The following ZFHX3 variants were observed in gnomAD, a reference collection of about 807,000 sequenced individuals.
ZFHX3 encodes zinc finger homeobox protein 3.
Under a neutral mutation model 279.1 loss-of-function variants are expected in ZFHX3, and 42 were observed. The ratio of observed to expected loss-of-function variants is 0.15; its 90% CI spans 0.12 to 0.19. The LOEUF is 0.19. Among genes scored for constraint, ZFHX3 ranks in the 10% least tolerant of loss-of-function variants. The pLI, the probability that ZFHX3 is intolerant of heterozygous loss-of-function variation, is 1.00. For missense variants in ZFHX3, 4,981 were observed against 4,754.0 expected, an observed-to-expected ratio of 1.05 and a Z score of -1.40; for synonymous variants, 2,293 against 1,957.8, an observed-to-expected ratio of 1.17 and a Z score of -4.52.
In ZFHX3 at chr16:72,796,364, C is replaced by T. The variant is rs368070331; in HGVS notation, c.6318G>A (p.Pro2106=). Reference sequence around the variant, plus strand: ...GTAGCTGAGCCGGCAAGGTCTGCAGCGGCATCGTCTGCATCATCAGCGGCG... The same window carrying T: ...GTAGCTGAGCCGGCAAGGTCTGCAGTGGCATCGTCTGCATCATCAGCGGCG... ...IFSPLMMQTM[P]LQTLPAQLPP... Residue 2106 remains proline, a synonymous_variant, in exon 9 of 10, where the codon CCG becomes CCA. Transcript: ENST00000268489. 28 of 1,613,684 alleles carry T rather than the reference C, an allele frequency of 1.7e-5. No homozygotes were observed. Among genetic ancestry groups the T allele is most frequent in the East Asian group, 4.5e-5 (2 of 44,864 alleles).
chr16:73,606,514 T>C (rs2052184617), intron 2 of ZFHX3, among the ~76,000 whole-genome samples: 1 of 151,658 alleles, frequency 6.6e-6, no homozygotes, highest in Admixed American at 6.6e-5. Flanking sequence ...TCCATGCTTG[T>C]CTTGGTCCTA....
At chr16:73,349,303 C>T (rs1567457320) in intron 3 of ZFHX3, among the ~76,000 whole-genome samples, 1 of 152,186 alleles carries the variant, frequency 6.6e-6, no homozygotes, top group Non-Finnish European at 1.5e-5. Flanking sequence ...TGGAGTCACA[C>T]TGCAACCCTG....
At chr16:73,318,062 G>A (rs1410961506) in intron 4 of ZFHX3, among the ~76,000 whole-genome samples, 2 of 152,194 alleles carry the variant, frequency 1.3e-5, no homozygotes, top group Non-Finnish European at 2.9e-5. Flanking sequence ...AACCAGAAGT[G>A]CACATTAGTC....
intron 5 of ZFHX3, among the ~76,000 whole-genome samples, chr16:73,154,590 G>T (rs1344396457): frequency 1.3e-5 from 2 of 152,102 alleles, no homozygotes; most frequent in East Asian, 1.9e-4. Context: ...CAATCCTCAG[G>T]GCATTTGTGG....
At chr16:73,162,619 AC>A (rs1435586487) in intron 5 of ZFHX3, among the ~76,000 whole-genome samples, 1 of 152,058 alleles carries the variant, frequency 6.6e-6, no homozygotes, top group African/African-American at 2.4e-5. Flanking sequence ...AATGCACCAC[AC>A]CCGGCTAATT....
intron 1 of ZFHX3, among the ~76,000 whole-genome samples, chr16:73,725,628 A>T (rs1028819486): frequency 5.3e-5 from 8 of 152,090 alleles, no homozygotes; most frequent in African/African-American, 1.9e-4. Flanking sequence ...CTGGGATAAG[A>T]GAACAAAATG....
intron 1 of ZFHX3, among the ~76,000 whole-genome samples, chr16:73,701,095 C>A (rs1329444574): frequency 2.0e-5 from 3 of 151,954 alleles, no homozygotes; most frequent in African/African-American, 7.3e-5. Flanking sequence ...CATACTACAC[C>A]CAAGGGAGAT....
At position 72,787,211 on chromosome 16, in the gene ZFHX3, T is replaced by A; in HGVS notation, c.11065A>T (p.Lys3689Ter). The A allele has an allele frequency of 6.2e-7, 1 of 1,613,810 alleles. No individual in the cohort carries two copies. The highest frequency in any genetic ancestry group is 8.5e-7 in the Non-Finnish European group (1 of 1,179,918). ...VEGPKDPSCP[K>*]DSGLTSVGTD... Reference sequence around the variant, plus strand: ...CCTACACTGGTCAGACCACTGTCCTTGGGGCAGCTGGGGTCTTTGGGACCC... The same window carrying A: ...CCTACACTGGTCAGACCACTGTCCTAGGGGCAGCTGGGGTCTTTGGGACCC... The change falls in exon 10 of 10, where the codon AAG (lysine) becomes TAG (stop). Residue 3689 changes from lysine to a stop codon, truncating the protein, a stop_gained. Coordinates refer to ENST00000268489, the MANE Select transcript of ZFHX3 (RefSeq NM_006885.4). LOFTEE classifies it high-confidence loss of function.
intron 3 of ZFHX3, among the ~76,000 whole-genome samples, chr16:73,397,304 G>A (rs573584509): frequency 6.6e-6 from 1 of 152,298 alleles, no homozygotes; most frequent in Admixed American, 6.5e-5. Flanking sequence ...TGCAAAGGCA[G>A]AAATTAACTT....
At position 72,787,676 on chromosome 16, in the gene ZFHX3, A is replaced by C; in HGVS notation, c.10600T>G (p.Cys3534Gly). 1 of 1,553,766 alleles carries C rather than the reference A, an allele frequency of 6.4e-7. No homozygotes were observed. Among genetic ancestry groups the C allele is most frequent in the Non-Finnish European group, 8.7e-7 (1 of 1,149,516 alleles). ...TCCTCCCCACAGAGCGCGCTCTCGC[A>C]CGCCAGGCAGTGGTACGAGCCGCCG... The part of the protein sequence containing the change: ...GGGGSYHCLA[C>G]ESALCGEEAL... Residue 3534 changes from cysteine to glycine, a missense_variant, in exon 10 of 10, where the codon TGC (cysteine) becomes GGC (glycine). Around this residue, in one of 7 missense-constraint regions of ZFHX3, gnomAD observed 1,034 missense variants for 786.0 expected, o/e 1.32. Coordinates refer to ENST00000268489, the MANE Select transcript of ZFHX3 (RefSeq NM_006885.4).
At chr16:73,150,634 T>C (rs1313084620) in intron 5 of ZFHX3, among the ~76,000 whole-genome samples, 1 of 152,138 alleles carries the variant, frequency 6.6e-6, no homozygotes, top group Non-Finnish European at 1.5e-5. Context: ...CATTTACACG[T>C]CTTCATCTAT....
At chr16:73,504,932 G>A (rs1340075717) in intron 2 of ZFHX3, 2 of 151,804 alleles carry the variant, frequency 1.3e-5, no homozygotes, top group African/African-American at 2.4e-5. Context: ...TAAACAAAAT[G>A]AAATGAGGAA....
chr16:73,626,589 A>T (rs1597034836), intron 2 of ZFHX3, among the ~76,000 whole-genome samples: 2 of 152,154 alleles, frequency 1.3e-5, no homozygotes, highest in East Asian at 3.9e-4. Flanking sequence ...CACCTAGAAG[A>T]CCTAGCCATA....
At chr16:73,689,810 G>GTTTTTT (rs1567552757) in intron 1 of ZFHX3, among the ~76,000 whole-genome samples, 7 of 149,674 alleles carry the variant, frequency 4.7e-5, no homozygotes, top group African/African-American at 7.4e-5. Flanking sequence ...ACAGTTTTTT[G>GTTTTTT]TTTTTTGTTT....
At chr16:73,277,887 A>G (rs898470142) in intron 4 of ZFHX3, among the ~76,000 whole-genome samples, 2 of 152,158 alleles carry the variant, frequency 1.3e-5, no homozygotes, top group African/African-American at 2.4e-5. Flanking sequence ...GGTGTCTTAC[A>G]AGGCAGGAGC....
At chr16:73,876,110 G>A (rs904204855) in intron 1 of ZFHX3, among the ~76,000 whole-genome samples, 2 of 152,180 alleles carry the variant, frequency 1.3e-5, no homozygotes, top group Non-Finnish European at 2.9e-5. Context: ...TATGAAACAT[G>A]AAATGGAAAC....
chr16:73,815,499 T>A (rs1960542155), intron 1 of ZFHX3: 1 of 152,184 alleles, frequency 6.6e-6, no homozygotes, highest in South Asian at 2.1e-4. Context: ...CTGCAGAATT[T>A]ATCCAGAAGA....
At chr16:72,939,036 C>T (rs575637061) in intron 3 of ZFHX3, among the ~76,000 whole-genome samples, 14 of 151,858 alleles carry the variant, frequency 9.2e-5, no homozygotes, top group African/African-American at 3.4e-4. Context: ...GGACCCGCGC[C>T]ACTTGGCCTG....
intron 2 of ZFHX3, among the ~76,000 whole-genome samples, chr16:73,653,370 C>G (rs1445121894): frequency 2.6e-5 from 4 of 152,084 alleles, no homozygotes; most frequent in Admixed American, 1.3e-4. Flanking sequence ...CTTCTAAGAA[C>G]TGAAATTATA....
Sources: gnomAD v4.1 joint callset for allele counts (sites outside exome capture counted in the v4.1 genomes callset) on GRCh38, gnomAD v4.1.1 for gene constraint, gnomAD v4.1.1 regional missense constraint, MANE v1.5 for transcripts, NCBI Gene and HGNC (gene_info 2026-07-23, HGNC 2026-07-21) for gene names.